Variants in OLFM3 observed in about 807,000 individuals in gnomAD.
The protein encoded by OLFM3 is olfactomedin 3.
Under a neutral mutation model 48.6 loss-of-function variants are expected in OLFM3, and 20 were observed. That is an observed-to-expected ratio of 0.41 (90% CI 0.29 to 0.60). OLFM3 has a LOEUF of 0.60. Among genes scored for constraint, OLFM3 ranks in the 20% least tolerant of loss-of-function variants. OLFM3 has a pLI of 0.28. For missense variants in OLFM3, 437 were observed against 544.3 expected, an observed-to-expected ratio of 0.80 and a Z score of 1.96; for synonymous variants, 222 against 198.1, an observed-to-expected ratio of 1.12 and a Z score of -1.01.
chr1:101,844,816 G>A (rs75347076), intron 1 of OLFM3, among the ~76,000 whole-genome samples: 1,777 of 151,018 alleles, frequency 0.012, 25 homozygotes, highest in African/African-American at 0.025. Context: ...GATTTAATTT[G>A]CAAAAAAAAA....
intron 1 of OLFM3, among the ~76,000 whole-genome samples, chr1:101,969,823 A>G (rs1660731710): frequency 6.6e-6 from 1 of 152,032 alleles, no homozygotes; most frequent in Non-Finnish European, 1.5e-5. Context: ...AGGATAAGTG[A>G]GTCGGCACTA....
intron 1 of OLFM3, among the ~76,000 whole-genome samples, chr1:101,957,052 G>C (rs1322491793): frequency 3.3e-5 from 5 of 151,872 alleles, no homozygotes; most frequent in African/African-American, 9.7e-5. Flanking sequence ...TATCAAAGGA[G>C]AATCATCAGA....
intron 3 of OLFM3, among the ~76,000 whole-genome samples, chr1:101,825,619 A>G (rs1320525738): frequency 6.6e-6 from 1 of 152,196 alleles, no homozygotes; most frequent in Non-Finnish European, 1.5e-5. Context: ...TCCATCTTCT[A>G]ATTATGAATT....
At chr1:101,846,489 T>G (rs1203294296) in intron 1 of OLFM3, among the ~76,000 whole-genome samples, 7 of 151,834 alleles carry the variant, frequency 4.6e-5, no homozygotes, top group Non-Finnish European at 8.8e-5. Flanking sequence ...GTGGGAAAAA[T>G]TATGAAGATT....
At chr1:101,971,215 A>G (rs1471690988) in intron 1 of OLFM3, among the ~76,000 whole-genome samples, 1 of 152,204 alleles carries the variant, frequency 6.6e-6, no homozygotes, top group East Asian at 1.9e-4. Flanking sequence ...GATCTAAGCC[A>G]GAGCAGTAAT....
intron 1 of OLFM3, among the ~76,000 whole-genome samples, chr1:101,963,692 T>C (rs1018248479): frequency 2.0e-5 from 3 of 152,198 alleles, no homozygotes; most frequent in Admixed American, 1.3e-4. Flanking sequence ...TTCTATCCTT[T>C]TTATATCATT....
At chr1:101,810,675 T>A (rs1340639847) in intron 4 of OLFM3, among the ~76,000 whole-genome samples, 2 of 151,990 alleles carry the variant, frequency 1.3e-5, no homozygotes, top group African/African-American at 2.4e-5. Context: ...AAGTGGAAAC[T>A]GTGAATATTC....
At chr1:101,857,287 T>C (rs1005797640) in intron 1 of OLFM3, among the ~76,000 whole-genome samples, 2 of 151,968 alleles carry the variant, frequency 1.3e-5, no homozygotes, top group African/African-American at 4.8e-5. Flanking sequence ...GTATTTTCCT[T>C]GGGAAGTATA....
chr1:101,879,822 C>G (rs536790067), intron 1 of OLFM3, among the ~76,000 whole-genome samples: 1 of 151,908 alleles, frequency 6.6e-6, no homozygotes, highest in East Asian at 1.9e-4. Flanking sequence ...GTAGTCACTC[C>G]TTTATGAATC....
At chr1:101,906,895 C>T (rs1395191269) in intron 1 of OLFM3, among the ~76,000 whole-genome samples, 1 of 152,162 alleles carries the variant, frequency 6.6e-6, no homozygotes, top group Non-Finnish European at 1.5e-5. Context: ...CACAAACATG[C>T]ATGCATACAT....
chr1:101,808,901 C>T (rs1334214091), intron 4 of OLFM3, among the ~76,000 whole-genome samples: 5 of 151,682 alleles, frequency 3.3e-5, no homozygotes, highest in African/African-American at 7.3e-5. Flanking sequence ...TAGACAAGAT[C>T]CTAGTACCTT....
intron 1 of OLFM3, among the ~76,000 whole-genome samples, chr1:101,867,225 C>T (rs1489953621): frequency 2.0e-5 from 3 of 152,162 alleles, no homozygotes; most frequent in Non-Finnish European, 4.4e-5. Flanking sequence ...AAAGTTGAAC[C>T]TCTGATTTAC....
At chr1:101,898,846 C>A (rs1658293823) in intron 1 of OLFM3, among the ~76,000 whole-genome samples, 1 of 151,950 alleles carries the variant, frequency 6.6e-6, no homozygotes, top group Admixed American at 6.6e-5. Flanking sequence ...AAGACTGTGT[C>A]TCAAAAACAA....
chr1:101,850,481 AT>A (rs1656182270), intron 1 of OLFM3, among the ~76,000 whole-genome samples: 1 of 152,028 alleles, frequency 6.6e-6, no homozygotes, highest in East Asian at 1.9e-4. Context: ...TTAGAATTTT[AT>A]TTTTTTCTTT....
At chr1:101,819,761 TCTC>T (rs1316313396) in intron 4 of OLFM3, among the ~76,000 whole-genome samples, 1 of 152,050 alleles carries the variant, frequency 6.6e-6, no homozygotes, top group Non-Finnish European at 1.5e-5. Context: ...GGGAAAGAAA[TCTC>T]AGTCTTTGAA....
intron 1 of OLFM3, among the ~76,000 whole-genome samples, chr1:101,843,420 GAGACGC>G (rs1462837547): frequency 6.6e-6 from 1 of 152,192 alleles, no homozygotes; most frequent in Admixed American, 6.5e-5. Flanking sequence ...CTGCATTCAA[GAGACGC>G]GCCAGAGGGA....
intron 1 of OLFM3, among the ~76,000 whole-genome samples, chr1:101,900,524 T>C (rs1417578179): frequency 2.6e-5 from 4 of 152,076 alleles, no homozygotes. Context: ...GTTTGAAAAT[T>C]GGCTATTGGA....
Position 101,829,941 on chromosome 1 carries a change from C to T in OLFM3, c.372+731G>A, listed in dbSNP as rs200398751. Among the ~76,000 whole-genome samples, 9 of 151,918 alleles carry T rather than the reference C, an allele frequency of 5.9e-5. No homozygotes were observed. In the East Asian group the frequency reaches 1.7e-3, roughly 29 times the overall value. On this transcript the variant is annotated intron_variant, in intron 3 of 5. Coordinates refer to ENST00000370103, the MANE Select transcript of OLFM3 (RefSeq NM_058170.4). The stretch of plus-strand genomic sequence containing the variant: ...GCTCCGCCTCCCAGGTTCACGCCAT[C>T]CTCCTGCCTCAGCCTCCCGAGTAGC...
intron 1 of OLFM3, among the ~76,000 whole-genome samples, chr1:101,870,475 G>A (rs1657035666): frequency 6.6e-6 from 1 of 152,150 alleles, no homozygotes; most frequent in South Asian, 2.1e-4. Flanking sequence ...TGCAGTACCA[G>A]TATTTGAGAT....
Sources: gnomAD v4.1 joint callset for allele counts (sites outside exome capture counted in the v4.1 genomes callset) on GRCh38, gnomAD v4.1.1 for gene constraint, MANE v1.5 for transcripts, NCBI Gene and HGNC (gene_info 2026-07-23, HGNC 2026-07-21) for gene names.